Variants in CALN1 observed in about 807,000 individuals in gnomAD.
CALN1 encodes calcium-binding protein 8.
CALN1 carries 17 observed loss-of-function variants against 30.6 expected under a neutral mutation model. That is an observed-to-expected ratio of 0.56 (90% CI 0.38 to 0.83). The LOEUF (loss-of-function observed/expected upper bound fraction) is 0.83. Ranked by LOEUF, CALN1 falls within the 40% of genes least tolerant of loss-of-function variation. The pLI is 0.00. For missense variants in CALN1, 291 were observed against 354.9 expected (o/e 0.82, Z 1.45); for synonymous variants, 156 against 131.4 (o/e 1.19, Z -1.28).
chr7:72,308,373 GAGAGAGAGAGA>G (rs1799805371), intron 2 of CALN1, among the ~76,000 whole-genome samples: 2 of 18,488 alleles, frequency 1.1e-4, no homozygotes, highest in African/African-American at 3.3e-4. Flanking sequence ...GTGGGGGGGG[GAGAGAGAGAGA>G]GAGAGAGAGA....
At chr7:72,191,868 C>T (rs533686094) in intron 3 of CALN1, among the ~76,000 whole-genome samples, 9 of 152,234 alleles carry the variant, frequency 5.9e-5, no homozygotes, top group African/African-American at 1.9e-4. Flanking sequence ...CAGAGCCGCA[C>T]GCTCCCCGCT....
chr7:72,085,596 T>C (rs1805434155), intron 4 of CALN1, among the ~76,000 whole-genome samples: 1 of 152,190 alleles, frequency 6.6e-6, no homozygotes. Context: ...GGAGGGGTTA[T>C]TATATTAAGA....
chr7:72,208,214 T>G (rs1426999547), intron 3 of CALN1, among the ~76,000 whole-genome samples: 1 of 152,216 alleles, frequency 6.6e-6, no homozygotes, highest in Non-Finnish European at 1.5e-5. Context: ...TAGCTGCAAA[T>G]GTAGTTTTAA....
At chr7:72,387,896 T>C (rs1021714286) in intron 2 of CALN1, among the ~76,000 whole-genome samples, 2 of 152,012 alleles carry the variant, frequency 1.3e-5, no homozygotes, top group Non-Finnish European at 1.5e-5. Flanking sequence ...AATTGGGGGA[T>C]AGGGGTAGGG....
intron 3 of CALN1, among the ~76,000 whole-genome samples, chr7:72,134,998 G>T (rs1809406114): frequency 6.6e-6 from 1 of 152,168 alleles, no homozygotes. Flanking sequence ...TCTATTTCAA[G>T]AAACTACTTT....
rs148514470 is a variant in CALN1 at position 72,385,782 on chromosome 7, C to A, written c.119+17469G>T. On this transcript the variant is annotated intron_variant, in intron 2 of 6. Transcript: ENST00000395275. ...TGTGTGGCAGTTTCCTCATCACACG[C>A]TCTCTCCTGCTGCCATGTCAAGAAA... is the stretch of plus-strand genomic sequence containing the variant. Among the ~76,000 whole-genome samples the A allele has an allele frequency of 1.9e-3, 284 of 152,308 alleles. 1 individual carries two copies. The highest frequency in any genetic ancestry group is 3.4e-3 in the Non-Finnish European group (229 of 68,030).
At chr7:72,032,022 C>T (rs1483341585) in intron 4 of CALN1, among the ~76,000 whole-genome samples, 3 of 148,520 alleles carry the variant, frequency 2.0e-5, no homozygotes, top group African/African-American at 7.5e-5. Context: ...GCTGGGATTA[C>T]AGGCGTGAGC....
intron 1 of CALN1, among the ~76,000 whole-genome samples, chr7:72,442,695 G>A (rs1422262395): frequency 2.0e-5 from 3 of 151,838 alleles, no homozygotes; most frequent in Non-Finnish European, 4.4e-5. Flanking sequence ...TTTATGTAGG[G>A]TTGCACTTAT....
chr7:72,080,821 G>A (rs992786203), intron 4 of CALN1, among the ~76,000 whole-genome samples: 1 of 152,120 alleles, frequency 6.6e-6, no homozygotes, highest in Non-Finnish European at 1.5e-5. Flanking sequence ...ACTAGCCCAG[G>A]GGAAGCTGAT....
At chr7:71,935,211 G>C (rs1397828939) in intron 5 of CALN1, among the ~76,000 whole-genome samples, 2 of 152,204 alleles carry the variant, frequency 1.3e-5, no homozygotes, top group Admixed American at 6.5e-5. Flanking sequence ...CTTTACTGAA[G>C]ACGAACTAGA....
chr7:72,101,345 G>C (rs1403183250), intron 4 of CALN1, among the ~76,000 whole-genome samples: 1 of 152,172 alleles, frequency 6.6e-6, no homozygotes, highest in African/African-American at 2.4e-5. Context: ...TTTCAAGGAG[G>C]AAACTTTTTT....
chr7:72,240,492 G>A (rs1277431827), intron 3 of CALN1, among the ~76,000 whole-genome samples: 4 of 152,156 alleles, frequency 2.6e-5, no homozygotes, highest in African/African-American at 9.7e-5. Context: ...GCTGCGACTG[G>A]GGGAGATTTG....
chr7:72,223,186 G>T (rs768447030), intron 3 of CALN1, among the ~76,000 whole-genome samples: 2 of 152,158 alleles, frequency 1.3e-5, no homozygotes, highest in Non-Finnish European at 2.9e-5. Context: ...GCCGCGGTCA[G>T]GCAGAGGAGA....
chr7:72,301,355 C>T (rs886474629), intron 2 of CALN1, among the ~76,000 whole-genome samples: 2 of 152,002 alleles, frequency 1.3e-5, no homozygotes, highest in Non-Finnish European at 2.9e-5. Context: ...CACCTGTAAT[C>T]CCACCACTTT....
intron 3 of CALN1, among the ~76,000 whole-genome samples, chr7:72,232,870 A>G (rs956693942): frequency 1.1e-4 from 17 of 152,218 alleles, no homozygotes; most frequent in African/African-American, 3.9e-4. Flanking sequence ...GGAAGGAAAC[A>G]ACAGACTTTA....
chr7:72,406,283 G>A (rs556642791), intron 1 of CALN1, among the ~76,000 whole-genome samples: 36 of 152,278 alleles, frequency 2.4e-4, no homozygotes, highest in Middle Eastern at 3.4e-3. Flanking sequence ...GTTGGCATCT[G>A]CACATAAGAC....
intron 5 of CALN1, among the ~76,000 whole-genome samples, chr7:71,914,826 G>T (rs1794604108): frequency 6.6e-6 from 1 of 152,126 alleles, no homozygotes; most frequent in South Asian, 2.1e-4. Flanking sequence ...TCCTATGATT[G>T]TTGGCCGCAT....
chr7:72,191,083 T>C (rs1361180239), intron 3 of CALN1, among the ~76,000 whole-genome samples: 1 of 152,188 alleles, frequency 6.6e-6, no homozygotes, highest in Admixed American at 6.5e-5. Context: ...TTTGTGCAAG[T>C]CATGGTCTAG....
rs568498234 is a variant in CALN1 at position 71,963,584 on chromosome 7, T to C, written c.501+60073A>G. ...CCTCCCAAAGTGCTGGGATTACAGG[T>C]ATGAGCCACCGTGCCCAGCCTAGGA... On this transcript the variant is annotated intron_variant, in intron 5 of 6. Transcript: ENST00000395275. 7.9e-5 allele frequency among the ~76,000 whole-genome samples: 12 copies of C among 152,246 alleles called. No homozygotes were observed. The South Asian group carries it at 2.1e-3, about 26-fold the overall frequency.
Sources: allele counts gnomAD v4.1 joint callset (sites outside exome capture counted in the v4.1 genomes callset), GRCh38; gene constraint gnomAD v4.1.1; transcripts MANE v1.5; gene names NCBI Gene and HGNC (gene_info 2026-07-23, HGNC 2026-07-21).